CC2D2B: variants seen among roughly 807,000 people sequenced by gnomAD.
CC2D2B encodes protein CC2D2B.
Under a neutral mutation model 161.2 loss-of-function variants are expected in CC2D2B, and 128 were observed. The observed-to-expected ratio is 0.79, with a 90% CI of 0.69 to 0.92. The LOEUF (loss-of-function observed/expected upper bound fraction) is 0.92, where lower values mean the gene tolerates loss of function less well. Ranked by LOEUF, CC2D2B falls within the 40% of genes least tolerant of loss-of-function variation. The probability of loss-of-function intolerance (pLI) is 0.00; values close to 1 mark genes in which losing one functional copy is unlikely to be tolerated. For missense variants in CC2D2B, 1,173 were observed against 1,375.1 expected, an observed-to-expected ratio of 0.85 and a Z score of 2.32; for synonymous variants, 391 against 449.8, an observed-to-expected ratio of 0.87 and a Z score of 1.65.
chr10:95,981,115 A>T (rs549422686), intron 17 of CC2D2B, among the ~76,000 whole-genome samples: 4 of 152,056 alleles, frequency 2.6e-5, no homozygotes, highest in Non-Finnish European at 5.9e-5. Flanking sequence ...ATCTCATGGC[A>T]GGGCACAGTG....
At chr10:95,979,749 G>A (rs1247458721) in intron 17 of CC2D2B, among the ~76,000 whole-genome samples, 2 of 152,082 alleles carry the variant, frequency 1.3e-5, no homozygotes, top group Non-Finnish European at 2.9e-5. Flanking sequence ...ATAAAATTCA[G>A]CCAATTAAAA....
intron 6 of CC2D2B, among the ~76,000 whole-genome samples, chr10:95,931,384 A>C (rs2098549817): frequency 6.6e-6 from 1 of 151,942 alleles, no homozygotes; most frequent in Non-Finnish European, 1.5e-5. Flanking sequence ...TATCTCCTTC[A>C]GTTCTGCTCT....
At chr10:95,967,449 T>C (rs1390174581) in intron 14 of CC2D2B, among the ~76,000 whole-genome samples, 1 of 149,710 alleles carries the variant, frequency 6.7e-6, no homozygotes, top group Non-Finnish European at 1.5e-5. Flanking sequence ...TGCCATCCGA[T>C]AGCATTGCTG....
At chr10:96,016,891 G>A (rs2079223854) in intron 30 of CC2D2B, among the ~76,000 whole-genome samples, 1 of 151,962 alleles carries the variant, frequency 6.6e-6, no homozygotes. Flanking sequence ...CTAATTTTTT[G>A]TATTTTTAGT....
In CC2D2B at chr10:95,937,158, G is replaced by T. The variant is rs531401645; in HGVS notation, c.337-833G>T. 6.6e-5 allele frequency among the ~76,000 whole-genome samples: 10 copies of T among 152,282 alleles called. No individual in the cohort carries two copies. The South Asian group carries it at 2.1e-3, about 32-fold the overall frequency. On this transcript the variant is annotated intron_variant, in intron 6 of 34. Transcript: ENST00000646931. ...TGACATTACTTATTTAACTTTGTCA[G>T]TATTGATCGAGGCCATGTAGGGATT...
chr10:96,006,157 C>G (rs1364767331), intron 25 of CC2D2B, among the ~76,000 whole-genome samples: 1 of 151,632 alleles, frequency 6.6e-6, no homozygotes, highest in African/African-American at 2.4e-5. Context: ...CCCTATTCCT[C>G]CAGGACTACA....
At chr10:95,963,529 T>C (rs1183492597) in intron 12 of CC2D2B, among the ~76,000 whole-genome samples, 2 of 152,022 alleles carry the variant, frequency 1.3e-5, no homozygotes, top group Non-Finnish European at 1.5e-5. Context: ...ATAAGCATAA[T>C]TGAAGCCATG....
chr10:95,985,350 T>A (rs1196781057), intron 19 of CC2D2B, among the ~76,000 whole-genome samples: 5 of 152,220 alleles, frequency 3.3e-5, no homozygotes, highest in Non-Finnish European at 7.3e-5. Flanking sequence ...GCTGAAGCCA[T>A]GGCAGAAGAA....
chr10:95,941,860 T>A (rs2076034398), intron 9 of CC2D2B, among the ~76,000 whole-genome samples: 1 of 152,134 alleles, frequency 6.6e-6, no homozygotes, highest in Non-Finnish European at 1.5e-5. Context: ...CCAGAAAAAT[T>A]AAATTTAAGA....
At chr10:96,030,507 G>T (rs1008344626) in intron 34 of CC2D2B, among the ~76,000 whole-genome samples, 1 of 152,102 alleles carries the variant, frequency 6.6e-6, no homozygotes, top group Non-Finnish European at 1.5e-5. Flanking sequence ...TCTATTGGGA[G>T]TTGAGTACTT....
intron 25 of CC2D2B, among the ~76,000 whole-genome samples, chr10:96,008,336 T>G (rs1340642916): frequency 6.6e-6 from 1 of 152,118 alleles, no homozygotes; most frequent in Non-Finnish European, 1.5e-5. Flanking sequence ...TGATGGACAT[T>G]TAGGTTGTTT....
chr10:95,935,348 C>T (rs1446416311), intron 6 of CC2D2B, among the ~76,000 whole-genome samples: 3 of 152,216 alleles, frequency 2.0e-5, no homozygotes, highest in African/African-American at 7.2e-5. Context: ...CCACTTTTCA[C>T]CAGCCTCTCT....
chr10:95,938,762 A>C, intron 8 of CC2D2B, 35 bp from the exon 9 acceptor site: 4 of 703,254 alleles, frequency 5.7e-6, no homozygotes, highest in Non-Finnish European at 1.1e-5. Flanking sequence ...TATTTAGCAA[A>C]ATATTTAATT....
intron 24 of CC2D2B, chr10:95,999,896 CT>C (rs1252268954): frequency 1.8e-5 from 9 of 500,286 alleles, no homozygotes; most frequent in Non-Finnish European, 3.5e-5. Flanking sequence ...GTACCTTTCT[CT>C]CTGGCTTCTT....
At chr10:96,003,522 G>A (rs539596903) in intron 24 of CC2D2B, among the ~76,000 whole-genome samples, 4 of 151,618 alleles carry the variant, frequency 2.6e-5, no homozygotes, top group East Asian at 1.9e-4. Flanking sequence ...GGGTTCAAGC[G>A]ATTCTCCTGC....
intron 22 of CC2D2B, among the ~76,000 whole-genome samples, chr10:95,993,783 G>A (rs969671442): frequency 7.3e-6 from 1 of 136,996 alleles, no homozygotes; most frequent in Non-Finnish European, 1.6e-5. Flanking sequence ...TATATATAGA[G>A]TATATATATA....
chr10:95,947,113 A>ATATATATATTTTTTTTTT (rs1289243570), intron 9 of CC2D2B, among the ~76,000 whole-genome samples: 1 of 48,376 alleles, frequency 2.1e-5, no homozygotes, highest in African/African-American at 9.4e-5. Context: ...ATATATATAT[A>ATATATATATTTTTTTTTT]TTTTTTTTTT....
At chr10:95,945,000 A>C (rs544319740) in intron 9 of CC2D2B, among the ~76,000 whole-genome samples, 60 of 152,350 alleles carry the variant, frequency 3.9e-4, no homozygotes, top group East Asian at 2.5e-3. Context: ...TCAATGGATT[A>C]GGTGCTCTTA....
Position 95,938,590 on chromosome 10 carries a change from CA to C in CC2D2B, c.561del (p.Asp188IlefsTer2). The C allele has an allele frequency of 2.8e-6, 2 of 701,832 alleles. No individual in the cohort carries two copies. Among genetic ancestry groups the C allele is most frequent in the East Asian group, 2.7e-5 (1 of 37,148 alleles). 43.5% of individuals were successfully genotyped at this position (701,832 alleles called of 1,614,324 possible). A position where few individuals can be genotyped will look rare whatever the true frequency, so the allele number is the denominator to read the frequency against. ...SSPVVNQRKLPKDMMPRILED... is the reference protein window; with the variant it reads ...SSPVVNQRKLXKDMMPRILED... Reference sequence around the variant, plus strand: ...AAAGTGGTTAACCAGCGCAAACTGCCAAAAGATATGATGCCACGTATTCTAG... The same window carrying C: ...AAAGTGGTTAACCAGCGCAAACTGCCAAAGATATGATGCCACGTATTCTAG... On this transcript the variant is annotated frameshift_variant, in exon 8 of 35. Transcript: ENST00000646931. LOFTEE classifies it high-confidence loss of function.
Sources: allele counts gnomAD v4.1 joint callset (sites outside exome capture counted in the v4.1 genomes callset), GRCh38; gene constraint gnomAD v4.1.1; transcripts MANE v1.5; gene names NCBI Gene and HGNC (gene_info 2026-07-23, HGNC 2026-07-21).